Variants in ARHGAP20 observed in about 807,000 individuals in gnomAD.
ARHGAP20 encodes Rho GTPase activating protein 20, also known as rho GTPase-activating protein 20.
Under a neutral mutation model 73.7 loss-of-function variants are expected in ARHGAP20, and 34 were observed. The ratio of observed to expected loss-of-function variants is 0.46; its 90% CI spans 0.35 to 0.61. The LOEUF (loss-of-function observed/expected upper bound fraction) is 0.61. Among genes scored for constraint, ARHGAP20 ranks in the 20% least tolerant of loss-of-function variants. The pLI, the probability that ARHGAP20 is intolerant of heterozygous loss-of-function variation, is 0.00. For synonymous variants in ARHGAP20, 523 were observed against 518.2 expected, an observed-to-expected ratio of 1.01 and a Z score of -0.13; for missense variants, 1,314 against 1,420.9, an observed-to-expected ratio of 0.92 and a Z score of 1.21.
rs997894628 is a variant in ARHGAP20, at chr11:110,587,631, A to G, written c.1306-1306T>C. Among the ~76,000 whole-genome samples the G allele has an allele frequency of 3.9e-5, 6 of 152,314 alleles. No homozygotes were observed. In the South Asian group the frequency reaches 1.0e-3, roughly 26 times the overall value. Reference sequence around the variant, plus strand: ...AGCACAGTCCTAGCCATAGTAGAGGACATTAGTGAACTGCTGCTAAATTGC... The same window carrying G: ...AGCACAGTCCTAGCCATAGTAGAGGGCATTAGTGAACTGCTGCTAAATTGC... On this transcript the variant is annotated intron_variant, in intron 11 of 14. Coordinates refer to ENST00000683387, the MANE Select transcript of ARHGAP20 (RefSeq NM_001384657.1).
intron 3 of ARHGAP20, among the ~76,000 whole-genome samples, chr11:110,630,332 T>C (rs1948832969): frequency 6.6e-6 from 1 of 152,142 alleles, no homozygotes; most frequent in East Asian, 1.9e-4. Flanking sequence ...TGCATAAGAC[T>C]GTAAGCTCCC....
chr11:110,683,710 T>A (rs1038726554), intron 2 of ARHGAP20, among the ~76,000 whole-genome samples: 2 of 152,148 alleles, frequency 1.3e-5, no homozygotes, highest in East Asian at 1.9e-4. Context: ...CCAATTTTTT[T>A]AAAAAGGTAC....
In ARHGAP20 at chr11:110,580,889, A is replaced by G; in HGVS notation, c.2057T>C (p.Leu686Pro). Residue 686 changes from leucine to proline, a missense_variant, in exon 15 of 15, where the codon CTG becomes CCG. Physicochemically the swap from Leu to Pro is moderately conservative, Grantham distance 98. This residue lies in a region of ARHGAP20 where 641 missense variants were observed against 636.9 expected (regional missense o/e 1.01). Coordinates refer to ENST00000683387, the MANE Select transcript of ARHGAP20 (RefSeq NM_001384657.1). ...APSAMCTPSY[L>P]STAAANAAKS... ...TGCAGCATTTGCTGCAGCTGTGGACAGGTAGCTGGGTGTGCACATGGCAGA... is the reference window on the plus strand; with the variant it reads ...TGCAGCATTTGCTGCAGCTGTGGACGGGTAGCTGGGTGTGCACATGGCAGA... 1 of 1,612,874 alleles carries G rather than the reference A, an allele frequency of 6.2e-7. No homozygotes were observed. Among genetic ancestry groups the G allele is most frequent in the Non-Finnish European group, 8.5e-7 (1 of 1,178,890 alleles).
chr11:110,612,288 C>T (rs1029207409), intron 6 of ARHGAP20, among the ~76,000 whole-genome samples: 18 of 151,214 alleles, frequency 1.2e-4, no homozygotes, highest in African/African-American at 3.1e-4. Context: ...TTTAGCTGGG[C>T]GTAGTGGTGG....
At chr11:110,706,163 T>G (rs1157146467) in intron 1 of ARHGAP20, among the ~76,000 whole-genome samples, 1 of 152,138 alleles carries the variant, frequency 6.6e-6, no homozygotes, top group East Asian at 1.9e-4. Flanking sequence ...TGTACTTTTC[T>G]CAGCTGGTTA....
intron 4 of ARHGAP20, among the ~76,000 whole-genome samples, chr11:110,621,074 CAAAAAAAAAAAA>C (rs34424855): frequency 2.1e-5 from 1 of 46,800 alleles, no homozygotes; most frequent in Non-Finnish European, 3.6e-5. Context: ...AACTCCATCT[CAAAAAAAAAAAA>C]AAAAAAAAAA....
intron 9 of ARHGAP20, among the ~76,000 whole-genome samples, chr11:110,597,052 A>T (rs1947983003): frequency 6.7e-6 from 1 of 149,972 alleles, no homozygotes; most frequent in African/African-American, 2.4e-5. Flanking sequence ...CAAAAATCAA[A>T]CACCGCATGT....
At position 110,664,054 on chromosome 11, in the gene ARHGAP20, T is replaced by C. The variant is rs140054765; in HGVS notation, c.188+26493A>G. 3.7e-3 allele frequency among the ~76,000 whole-genome samples: 562 copies of C among 152,238 alleles called. 3 individuals carry two copies. The highest frequency in any genetic ancestry group is 0.012 in the African/African-American group (516 of 41,556). On this transcript the variant is annotated intron_variant, in intron 2 of 14. Transcript: ENST00000683387. Reference sequence around the variant, plus strand: ...AGCATTTGACAAAATGTAATACTCATTCATGATAAAAAGTCAGTAATCCAG... The same window carrying C: ...AGCATTTGACAAAATGTAATACTCACTCATGATAAAAAGTCAGTAATCCAG...
At position 110,592,072 on chromosome 11, in the gene ARHGAP20, A is replaced by C. The variant is rs775336115; in HGVS notation, c.1048T>G (p.Leu350Val). Residue 350 changes from leucine to valine, a missense_variant, in exon 10 of 15, where the codon TTG becomes GTG. By Grantham distance (32) the Leu-to-Val change is conservative. Transcript: ENST00000683387. ...WRGSSTHLDN[L>V]PSSPTSPMPG... The stretch of plus-strand genomic sequence containing the variant: ...ATAGGTGATGTTGGCGATGAGGGCA[A>C]GTTGTCCAGGTGAGTGCTAGAACCT... The C allele has an allele frequency of 6.2e-7, 1 of 1,614,166 alleles. No homozygotes were observed. Among genetic ancestry groups the C allele is most frequent in the South Asian group, 1.1e-5 (1 of 91,084 alleles).
chr11:110,660,585 C>G (rs150788318), intron 2 of ARHGAP20, among the ~76,000 whole-genome samples: 2 of 152,302 alleles, frequency 1.3e-5, no homozygotes, highest in African/African-American at 4.8e-5. Context: ...ATCGACAGAT[C>G]TACCCTGCCT....
At chr11:110,603,575 GT>G (rs2134867683) in intron 9 of ARHGAP20, among the ~76,000 whole-genome samples, 1 of 152,306 alleles carries the variant, frequency 6.6e-6, no homozygotes, top group East Asian at 1.9e-4. Context: ...CAGCAGATAT[GT>G]TTTTTGAGTT....
At chr11:110,625,009 ATT>A (rs145890937) in intron 3 of ARHGAP20, among the ~76,000 whole-genome samples, 22,275 of 141,756 alleles carry the variant, frequency 0.16, 2,629 homozygotes, top group African/African-American at 0.33. Flanking sequence ...CACAGGATTT[ATT>A]TTTTTTTTAT....
intron 4 of ARHGAP20, among the ~76,000 whole-genome samples, chr11:110,616,685 T>C (rs1307732077): frequency 2.2e-5 from 3 of 139,278 alleles, no homozygotes; most frequent in East Asian, 2.2e-4. Context: ...CACATTTTTT[T>C]CTTTTTTTTT....
intron 2 of ARHGAP20, among the ~76,000 whole-genome samples, chr11:110,686,224 A>T (rs969991141): frequency 2.0e-5 from 3 of 152,166 alleles, no homozygotes; most frequent in Non-Finnish European, 4.4e-5. Context: ...AGGAACATAC[A>T]TTATAAAAAA....
At chr11:110,692,030 A>T (rs1363050899) in intron 1 of ARHGAP20, among the ~76,000 whole-genome samples, 1 of 152,166 alleles carries the variant, frequency 6.6e-6, no homozygotes, top group Non-Finnish European at 1.5e-5. Flanking sequence ...GCCCGGAGTT[A>T]TCATCGGATT....
intron 1 of ARHGAP20, chr11:110,691,133 C>T: frequency 1.7e-6 from 1 of 574,018 alleles, no homozygotes; most frequent in East Asian, 3.2e-5. Flanking sequence ...ACTTGGGAAT[C>T]CCTTCTTCCA....
rs1298275722 is a variant in ARHGAP20, at chr11:110,580,163, T to A, written c.2783A>T (p.Asn928Ile). The change falls in exon 15 of 15, where the codon AAC becomes ATC. Residue 928 changes from asparagine (N) to isoleucine (I), a missense_variant. By Grantham distance (149) the Asn-to-Ile change is moderately radical. Around this residue, in one of 3 missense-constraint regions of ARHGAP20, gnomAD observed 641 missense variants for 636.9 expected, o/e 1.01. Transcript: ENST00000683387. ...GGAATAGCTGGTCCTTGGGCAAAGG[T>A]TTAATCTTGGGGGTAAAACCTTCTC... The part of the protein sequence containing the change: ...NTEKVLPPRL[N>I]LCPRTSYSSL... The A allele has an allele frequency of 6.8e-6, 11 of 1,613,578 alleles. No individual in the cohort carries two copies. Among genetic ancestry groups the A allele is most frequent in the Non-Finnish European group, 8.5e-6 (10 of 1,179,928 alleles).
intron 2 of ARHGAP20, among the ~76,000 whole-genome samples, chr11:110,653,628 T>C (rs1260904809): frequency 6.6e-6 from 1 of 152,192 alleles, no homozygotes; most frequent in African/African-American, 2.4e-5. Context: ...TTGGTGGGAA[T>C]GTAAATTAGT....
intron 1 of ARHGAP20, among the ~76,000 whole-genome samples, chr11:110,693,200 T>A (rs1478121592): frequency 6.6e-6 from 1 of 151,938 alleles, no homozygotes; most frequent in East Asian, 1.9e-4. Flanking sequence ...AAATGCTGAG[T>A]GTAGCCACTT....
Sources: gnomAD v4.1 joint callset for allele counts (sites outside exome capture counted in the v4.1 genomes callset) on GRCh38, gnomAD v4.1.1 for gene constraint, gnomAD v4.1.1 regional missense constraint, MANE v1.5 for transcripts, NCBI Gene and HGNC (gene_info 2026-07-23, HGNC 2026-07-21) for gene names.